The following LRMDA variants were observed in gnomAD, a reference collection of about 807,000 sequenced individuals.
LRMDA encodes the protein leucine rich melanocyte differentiation associated.
In LRMDA, 18 loss-of-function variants were observed where a neutral mutation model predicts 29.8. The observed-to-expected ratio is 0.60, with a 90% CI of 0.42 to 0.90. The LOEUF is 0.90. Among genes scored for constraint, LRMDA ranks in the 40% least tolerant of loss-of-function variants. The probability of loss-of-function intolerance (pLI) is 0.00; values close to 1 mark genes in which losing one functional copy is unlikely to be tolerated. For synonymous variants in LRMDA, 125 were observed against 109.4 expected, an observed-to-expected ratio of 1.14 and a Z score of -0.89; for missense variants, 273 against 273.9, an observed-to-expected ratio of 1.00 and a Z score of 0.02.
chr10:75,550,706 T>C lies in LRMDA; in HGVS notation c.131+112212T>C, dbSNP rs371521276. ...TGAGTCTACCATTTTGCAAATTGTT[T>C]TCTATGTGTCTTATATGTTCTCTAT... On this transcript the variant is annotated intron_variant, in intron 2 of 6. Coordinates refer to ENST00000611255, the MANE Select transcript of LRMDA (RefSeq NM_001305581.2). 2.6e-5 allele frequency among the ~76,000 whole-genome samples: 4 copies of C among 152,224 alleles called. No homozygotes were observed. The East Asian group carries it at 5.8e-4, about 22-fold the overall frequency.
intron 2 of LRMDA, among the ~76,000 whole-genome samples, chr10:75,522,153 A>G (rs978747448): frequency 1.3e-5 from 2 of 152,220 alleles, no homozygotes; most frequent in African/African-American, 4.8e-5. Flanking sequence ...TGCCCTTCAC[A>G]TGTATTAACT....
chr10:75,900,310 A>G (rs982370532), intron 2 of LRMDA, among the ~76,000 whole-genome samples: 3 of 152,214 alleles, frequency 2.0e-5, no homozygotes, highest in African/African-American at 7.2e-5. Flanking sequence ...ACTGTGCTCC[A>G]AGTTGGAGCT....
rs1843602948 is a variant in LRMDA at position 76,559,891 on chromosome 10, T to C, written c.*2603T>C. 1 of 152,216 alleles carries C rather than the reference T, an allele frequency of 6.6e-6. No homozygotes were observed. Among genetic ancestry groups the C allele is most frequent in the Non-Finnish European group, 1.5e-5 (1 of 68,040 alleles). The allele number at this position is 152,216 out of a possible 1,614,324, so 9.4% of individuals were successfully genotyped here. ...CTGCAGCTCTCTGTTGCCTCAGCAA[T>C]GTCAGGACGACTGTCTCTTTCCTAA... On this transcript the variant is annotated 3_prime_UTR_variant, in exon 7 of 7. Coordinates refer to ENST00000611255, the MANE Select transcript of LRMDA (RefSeq NM_001305581.2).
At chr10:75,697,834 A>AGTGTGTGTGTGTGTGTGTGTGTGTGTGT (rs377639647) in intron 2 of LRMDA, among the ~76,000 whole-genome samples, 2 of 132,144 alleles carry the variant, frequency 1.5e-5, no homozygotes, top group African/African-American at 6.2e-5. Flanking sequence ...TGCATGTAAG[A>AGTGTGTGTGTGTGTGTGTGTGTGTGTGT]GTGTGTGTGT....
chr10:76,055,063 C>CAAAAAAAAAAAAAAAAAAAAAAA (rs531729040), intron 4 of LRMDA, among the ~76,000 whole-genome samples: 68 of 45,902 alleles, frequency 1.5e-3, no homozygotes, highest in East Asian at 2.2e-3. Flanking sequence ...GACTCCATCT[C>CAAAAAAAAAAAAAAAAAAAAAAA]AAAAAAAAAA....
Position 76,379,392 on chromosome 10 carries a change from T to C in LRMDA, c.601+54907T>C, listed in dbSNP as rs576090899. On this transcript the variant is annotated intron_variant, in intron 6 of 6. Transcript: ENST00000611255. ...TGATTGTTAGGAGATTTTTTACTAC[T>C]GATTCAATCTCACTACTTGTTATTG... Among the ~76,000 whole-genome samples the C allele has an allele frequency of 3.9e-5, 6 of 152,280 alleles. No homozygotes were observed. In the South Asian group the frequency reaches 6.2e-4, roughly 16 times the overall value.
intron 2 of LRMDA, among the ~76,000 whole-genome samples, chr10:75,641,409 A>AT (rs1564528737): frequency 1.3e-5 from 2 of 148,772 alleles, no homozygotes; most frequent in South Asian, 2.1e-4. Flanking sequence ...GTTAATATAT[A>AT]ATATATATAT....
chr10:75,585,730 CATT>C (rs1475351215), intron 2 of LRMDA, among the ~76,000 whole-genome samples: 1 of 152,110 alleles, frequency 6.6e-6, no homozygotes, highest in East Asian at 1.9e-4. Flanking sequence ...GTGTGCAATA[CATT>C]ATTGTTGATT....
intron 6 of LRMDA, among the ~76,000 whole-genome samples, chr10:76,551,230 G>A (rs535910330): frequency 6.6e-5 from 10 of 152,262 alleles, no homozygotes; most frequent in African/African-American, 1.9e-4. Flanking sequence ...ACACCACCAC[G>A]ATTTAGGAAC....
At chr10:76,188,618 C>G (rs1851188759) in intron 5 of LRMDA, among the ~76,000 whole-genome samples, 1 of 141,554 alleles carries the variant, frequency 7.1e-6, no homozygotes, top group South Asian at 2.4e-4. Flanking sequence ...AGTGTACATA[C>G]AACTGAGAAG....
chr10:76,311,698 G>A (rs947982707), intron 5 of LRMDA, among the ~76,000 whole-genome samples: 5 of 152,102 alleles, frequency 3.3e-5, no homozygotes, highest in African/African-American at 9.7e-5. Flanking sequence ...TGGGTAGGTC[G>A]CCTCATTAAG....
At chr10:76,029,310 A>T (rs2132499611) in intron 2 of LRMDA, among the ~76,000 whole-genome samples, 1 of 152,344 alleles carries the variant, frequency 6.6e-6, no homozygotes, top group South Asian at 2.1e-4. Flanking sequence ...GAATAAAATT[A>T]AAAAGCAGTA....
At chr10:76,335,922 G>A (rs1335310827) in intron 6 of LRMDA, among the ~76,000 whole-genome samples, 1 of 152,136 alleles carries the variant, frequency 6.6e-6, no homozygotes, top group African/African-American at 2.4e-5. Context: ...GGCATAATGA[G>A]GCATGTCCAA....
rs535356757 is a variant in LRMDA, at chr10:75,596,086, A to G, written c.131+157592A>G. 1.7e-3 allele frequency among the ~76,000 whole-genome samples: 261 copies of G among 152,300 alleles called. 1 individual carries two copies. The highest frequency in any genetic ancestry group is 2.5e-3 in the Non-Finnish European group (173 of 68,038). ...GTGTATGTATCTGTGTGTATTATCTATGTGAATGAATAAATGAAGATACTG... is the reference window on the plus strand; with the variant it reads ...GTGTATGTATCTGTGTGTATTATCTGTGTGAATGAATAAATGAAGATACTG... On this transcript the variant is annotated intron_variant, in intron 2 of 6. Transcript: ENST00000611255.
intron 2 of LRMDA, among the ~76,000 whole-genome samples, chr10:75,751,420 TAC>T (rs1274032435): frequency 6.6e-6 from 1 of 152,176 alleles, no homozygotes; most frequent in Non-Finnish European, 1.5e-5. Flanking sequence ...GCTTTTAACC[TAC>T]TGAGTCTTAC....
intron 5 of LRMDA, among the ~76,000 whole-genome samples, chr10:76,069,004 CT>C (rs1335758925): frequency 1.3e-5 from 2 of 152,256 alleles, no homozygotes; most frequent in African/African-American, 4.8e-5. Context: ...GAACATCTTT[CT>C]TTCCTGTTTC....
intron 5 of LRMDA, among the ~76,000 whole-genome samples, chr10:76,251,226 C>CCTTTTTT (rs1852474562): frequency 1.4e-5 from 1 of 70,264 alleles, no homozygotes; most frequent in African/African-American, 4.6e-5. Flanking sequence ...CCCGTCGCTT[C>CCTTTTTT]TTTTTTTTTT....
intron 2 of LRMDA, among the ~76,000 whole-genome samples, chr10:75,688,046 A>G (rs1036258405): frequency 6.6e-6 from 1 of 152,230 alleles, no homozygotes; most frequent in African/African-American, 2.4e-5. Flanking sequence ...TAATCACCCA[A>G]CAGTTCCAAT....
chr10:76,047,805 G>A (rs1589302818), intron 4 of LRMDA, among the ~76,000 whole-genome samples: 1 of 152,224 alleles, frequency 6.6e-6, no homozygotes, highest in Non-Finnish European at 1.5e-5. Flanking sequence ...AAAATTTAGG[G>A]AGCTCATAGA....
Sources: allele counts gnomAD v4.1 joint callset (sites outside exome capture counted in the v4.1 genomes callset), GRCh38; gene constraint gnomAD v4.1.1; transcripts MANE v1.5; gene names NCBI Gene and HGNC (gene_info 2026-07-23, HGNC 2026-07-21).